The following PCTP variants were observed in gnomAD, a reference collection of about 807,000 sequenced individuals.
PCTP encodes phosphatidylcholine transfer protein.
PCTP carries 27 observed loss-of-function variants against 31.0 expected under a neutral mutation model. The ratio of observed to expected loss-of-function variants is 0.87; its 90% confidence interval spans 0.64 to 1.20. The LOEUF (loss-of-function observed/expected upper bound fraction) is 1.20. PCTP is among the 50% of genes most tolerant of loss of function. PCTP has a pLI of 0.00. For missense variants in PCTP, 287 were observed against 268.2 expected (o/e 1.07, Z -0.49); for synonymous variants, 108 against 101.2 (o/e 1.07, Z -0.40).
intron 5 of PCTP, among the ~76,000 whole-genome samples, chr17:55,829,752 G>GT (rs1905534897): frequency 1.3e-5 from 2 of 151,826 alleles, no homozygotes; most frequent in African/African-American, 4.8e-5. Flanking sequence ...AACTTTCTAT[G>GT]TTTGAGGTGC....
At chr17:55,840,301 G>A (rs1598025706) in intron 5 of PCTP, among the ~76,000 whole-genome samples, 1 of 152,152 alleles carries the variant, frequency 6.6e-6, no homozygotes, top group South Asian at 2.1e-4. Context: ...CATACAACAT[G>A]AATATGTAGA....
intron 5 of PCTP, among the ~76,000 whole-genome samples, chr17:55,832,682 A>G (rs1248147185): frequency 6.6e-6 from 1 of 152,184 alleles, no homozygotes; most frequent in Non-Finnish European, 1.5e-5. Flanking sequence ...TGGCTGACAC[A>G]TGTGTCTATC....
At chr17:55,780,875 G>C (rs1055197249), downstream of PCTP, among the ~76,000 whole-genome samples, 1 of 152,112 alleles carries the variant, frequency 6.6e-6, no homozygotes, top group South Asian at 2.1e-4. Context: ...ACCATGTCTG[G>C]GAAATGATGA....
At position 55,819,914 on chromosome 17, in the gene PCTP, A is replaced by G. The variant is rs148803328; in HGVS notation, c.318-2847A>G. On this transcript the variant is annotated intron_variant, in intron 3 of 3. Transcript: ENST00000572536. ...CATGAAGGAGTATCAAGAAAATTCA[A>G]TGGGGGAAGAATAATCTTTTTCAAC... is the stretch of plus-strand genomic sequence containing the variant. Among the ~76,000 whole-genome samples the G allele has an allele frequency of 4.9e-3, 739 of 152,330 alleles. 7 individuals carry two copies. Among genetic ancestry groups the G allele is most frequent in the African/African-American group, 0.016 (664 of 41,566 alleles).
At chr17:55,832,306 T>C (rs187975150) in intron 5 of PCTP, among the ~76,000 whole-genome samples, 9 of 152,346 alleles carry the variant, frequency 5.9e-5, no homozygotes, top group African/African-American at 1.9e-4. Context: ...CAAAGTATCA[T>C]GCTATTATTA....
At chr17:55,803,511 T>A (rs1912460667) in intron 3 of PCTP, among the ~76,000 whole-genome samples, 1 of 152,012 alleles carries the variant, frequency 6.6e-6, no homozygotes, top group African/African-American at 2.4e-5. Context: ...CCAAAACAGA[T>A]ATTTAGACCA....
intron 3 of PCTP, among the ~76,000 whole-genome samples, chr17:55,797,451 G>A (rs1228719061): frequency 6.6e-6 from 1 of 151,978 alleles, no homozygotes; most frequent in Non-Finnish European, 1.5e-5. Flanking sequence ...TTTAGAACCT[G>A]CCAAAGATAA....
intron 5 of PCTP, among the ~76,000 whole-genome samples, chr17:55,833,991 T>A (rs1905694060): frequency 6.6e-6 from 1 of 152,188 alleles, no homozygotes; most frequent in Admixed American, 6.5e-5. Context: ...AACTTATTTA[T>A]GTCTGAAGAC....
chr17:55,784,972 G>A (rs185313978), intron 2 of PCTP, among the ~76,000 whole-genome samples: 2 of 152,274 alleles, frequency 1.3e-5, no homozygotes, highest in East Asian at 3.9e-4. Context: ...TCTGTATATA[G>A]CACACTGCCT....
At chr17:55,751,527 G>A (rs569454551) in intron 1 of PCTP, 16 of 1,478,848 alleles carry the variant, frequency 1.1e-5, no homozygotes, top group Non-Finnish European at 1.4e-5. Context: ...GTTGAAACGT[G>A]GGTCAGCTGG....
At position 55,818,653 on chromosome 17, in the gene PCTP, A is replaced by G. The variant is rs143115525; in HGVS notation, c.318-4108A>G. On this transcript the variant is annotated intron_variant, in intron 3 of 3. Coordinates refer to the PCTP transcript ENST00000572536. ...ATATTTGTGGAATTAAATTGGGTAC[A>G]GGAGTGAAAAGGAAATTCTTCTGTC... Among the ~76,000 whole-genome samples, 551 of 152,352 alleles carry G rather than the reference A, an allele frequency of 3.6e-3. 5 individuals are homozygous for G. Among genetic ancestry groups the G allele is most frequent in the Middle Eastern group, 6.8e-3 (2 of 294 alleles).
intron 2 of PCTP, among the ~76,000 whole-genome samples, chr17:55,784,699 C>T (rs1456060869): frequency 6.6e-6 from 1 of 152,146 alleles, no homozygotes; most frequent in Non-Finnish European, 1.5e-5. Context: ...ATCCAATATA[C>T]CATTTACCAT....
downstream of PCTP, among the ~76,000 whole-genome samples, chr17:55,824,493 G>T (rs1211478481): frequency 1.3e-5 from 2 of 152,176 alleles, no homozygotes; most frequent in African/African-American, 4.8e-5. Flanking sequence ...TTTACAGCTT[G>T]CCTGATAATA....
At chr17:55,785,276 A>G (rs1176020580) in intron 2 of PCTP, among the ~76,000 whole-genome samples, 5 of 152,260 alleles carry the variant, frequency 3.3e-5, no homozygotes, top group Non-Finnish European at 7.3e-5. Flanking sequence ...CCAAGAGCCA[A>G]CTAGTAGCTG....
chr17:55,770,895 CTTTTTTTT>C (rs5821104), intron 2 of PCTP: 16 of 307,676 alleles, frequency 5.2e-5, no homozygotes. Context: ...GATTTTTTTG[CTTTTTTTT>C]TTTTTTATAT....
At chr17:55,768,010 C>T (rs1910778718) in intron 2 of PCTP, among the ~76,000 whole-genome samples, 1 of 150,484 alleles carries the variant, frequency 6.6e-6, no homozygotes, top group Admixed American at 6.7e-5. Context: ...CTAAGAATTG[C>T]TTGAACCCAA....
At chr17:55,761,322 ACTC>A (rs1910329174) in intron 1 of PCTP, among the ~76,000 whole-genome samples, 1 of 151,448 alleles carries the variant, frequency 6.6e-6, no homozygotes, top group African/African-American at 2.4e-5. Context: ...GGATTAGAAA[ACTC>A]CTTCAAATAC....
chr17:55,790,299 G>A (rs1288105991), intron 3 of PCTP, among the ~76,000 whole-genome samples: 1 of 152,040 alleles, frequency 6.6e-6, no homozygotes, highest in African/African-American at 2.4e-5. Flanking sequence ...GGAAGTTCTG[G>A]CCAGGGCAAT....
intron 2 of PCTP, chr17:55,769,417 G>A (rs2144952232): frequency 6.6e-6 from 1 of 152,392 alleles, no homozygotes; most frequent in Non-Finnish European, 1.5e-5. Context: ...ATACAGTCAT[G>A]TGACATAGAC....
Sources: allele counts gnomAD v4.1 joint callset (sites outside exome capture counted in the v4.1 genomes callset), GRCh38; gene constraint gnomAD v4.1.1; transcripts MANE v1.5; gene names NCBI Gene and HGNC (gene_info 2026-07-23, HGNC 2026-07-21).